SGSM2: variants seen among roughly 807,000 people sequenced by gnomAD.
The protein encoded by SGSM2 is RUN and TBC1 domain containing 1.
In SGSM2, 89 loss-of-function variants were observed where a neutral mutation model predicts 126.6. The observed-to-expected ratio is 0.70, with a 90% CI of 0.59 to 0.84. The LOEUF (loss-of-function observed/expected upper bound fraction) is 0.84. Ranked by LOEUF, SGSM2 falls within the 40% of genes least tolerant of loss-of-function variation. The probability of loss-of-function intolerance (pLI) is 0.00; values close to 1 mark genes in which losing one functional copy is unlikely to be tolerated. For synonymous variants in SGSM2, 614 were observed against 574.3 expected (o/e 1.07, Z -0.99); for missense variants, 1,404 against 1,416.6 (o/e 0.99, Z 0.14).
chr17:2,376,120 G>A lies in SGSM2; in HGVS notation c.2485-17G>A, dbSNP rs558196447. 2.1e-5 allele frequency: 34 copies of A among 1,613,840 alleles called. No homozygotes were observed. In the East Asian group the frequency reaches 5.1e-4, roughly 24 times the overall value. On this transcript the variant is annotated splice_polypyrimidine_tract_variant and intron_variant, in intron 18 of 23. Coordinates refer to ENST00000268989, the MANE Select transcript of SGSM2 (RefSeq NM_014853.3). Reference sequence around the variant, plus strand: ...GGGCTGCCCGGTCTCATGCCTGAGGGCCCTCCACTCTTCCAGATAGAATTA... The same window carrying A: ...GGGCTGCCCGGTCTCATGCCTGAGGACCCTCCACTCTTCCAGATAGAATTA...
chr17:2,349,894 T>C (rs1417490799), intron 2 of SGSM2, among the ~76,000 whole-genome samples: 1 of 151,920 alleles, frequency 6.6e-6, no homozygotes, highest in Non-Finnish European at 1.5e-5. Flanking sequence ...TTCACACCAT[T>C]CTCCTGCCTC....
chr17:2,370,581 G>C (rs1204253354), intron 12 of SGSM2, among the ~76,000 whole-genome samples: 1 of 151,206 alleles, frequency 6.6e-6, no homozygotes, highest in Non-Finnish European at 1.5e-5. Flanking sequence ...TGGTGTTTTC[G>C]GGAGGCCACC....
At chr17:2,339,682 T>G (rs1309245029) in intron 1 of SGSM2, among the ~76,000 whole-genome samples, 1 of 134,842 alleles carries the variant, frequency 7.4e-6, no homozygotes, top group Non-Finnish European at 1.5e-5. Flanking sequence ...CACTCCAGCC[T>G]GGGCGACAGA....
chr17:2,369,820 G>T (rs1490516625), intron 12 of SGSM2, among the ~76,000 whole-genome samples: 1 of 151,940 alleles, frequency 6.6e-6, no homozygotes, highest in Non-Finnish European at 1.5e-5. Flanking sequence ...CTGGGCTCCT[G>T]CCCCACTGCA....
Position 2,362,200 on chromosome 17 carries a change from G to A in SGSM2, c.388G>A (p.Val130Ile), listed in dbSNP as rs756758186. 8 of 1,613,490 alleles carry A rather than the reference G, an allele frequency of 5.0e-6. No homozygotes were observed. The highest frequency in any genetic ancestry group is 6.8e-6 in the Non-Finnish European group (8 of 1,179,874). Residue 130 changes from valine (V) to isoleucine (I), a missense_variant, in exon 4 of 24, where the codon GTA (valine) becomes ATA (isoleucine). Coordinates refer to ENST00000268989, the MANE Select transcript of SGSM2 (RefSeq NM_014853.3). This position sits in a 1 kb window ranked among gnomAD's most constrained non-coding sequence, Gnocchi z 4.9. The stretch of plus-strand genomic sequence containing the variant: ...CCTCAGCCCTCAGGCCTTGAAACAC[G>A]TATGGGTACGCACGGCGCTCATCGA... ...PALSPQALKH[V>I]WVRTALIEKV...
At chr17:2,354,759 G>C (rs1365613229) in intron 2 of SGSM2, among the ~76,000 whole-genome samples, 2 of 152,222 alleles carry the variant, frequency 1.3e-5, no homozygotes, top group Non-Finnish European at 2.9e-5. Context: ...AGCTCCCCAC[G>C]TCCCTTCCAT....
intron 11 of SGSM2, 61 bp downstream of exon 11, chr17:2,365,402 G>T (rs76129684): frequency 3.4e-6 from 5 of 1,474,624 alleles, no homozygotes; most frequent in Non-Finnish European, 4.5e-6. Flanking sequence ...GGCGGGGAGC[G>T]CAGCGTCACC....
chr17:2,364,880 T>C lies in SGSM2; in HGVS notation c.1001-17T>C. On this transcript the variant is annotated splice_polypyrimidine_tract_variant and intron_variant, in intron 9 of 23. Coordinates refer to ENST00000268989, the MANE Select transcript of SGSM2 (RefSeq NM_014853.3). ...CGACGAGAGGGCCTCAGCCGCACTC[T>C]CCACGTTCACCCCCAGAGAGCGGTG... 2 of 1,605,952 alleles carry C rather than the reference T, an allele frequency of 1.2e-6. No homozygotes were observed. Among genetic ancestry groups the C allele is most frequent in the African/African-American group, 1.3e-5 (1 of 75,042 alleles).
Position 2,337,698 on chromosome 17 carries a change from G to T in SGSM2, c.10G>T (p.Ala4Ser). Residue 4 changes from alanine to serine, a missense_variant, in exon 1 of 24, where the codon GCA becomes TCA. Physicochemically the swap from Ala to Ser is moderately conservative, Grantham distance 99 (BLOSUM62 1). Transcript: ENST00000268989. This position sits in a 1 kb window ranked among gnomAD's most constrained non-coding sequence, Gnocchi z 5.1. MGS[A>S]EDAVKEKLLW... Reference sequence around the variant, plus strand: ...CGCCTCCTGCCACACCATGGGCAGCGCAGAGGACGCAGTCAAAGAGAAACT... The same window carrying T: ...CGCCTCCTGCCACACCATGGGCAGCTCAGAGGACGCAGTCAAAGAGAAACT... 1 of 1,530,008 alleles carries T rather than the reference G, an allele frequency of 6.5e-7. No individual in the cohort carries two copies. The highest frequency in any genetic ancestry group is 8.8e-7 in the Non-Finnish European group (1 of 1,135,130). The allele number at this position is 1,530,008 out of a possible 1,614,324, so 94.8% of individuals were successfully genotyped here.
intron 17 of SGSM2, 194 bp from the exon 18 acceptor site, chr17:2,375,298 A>G (rs1363016241): frequency 3.2e-6 from 2 of 616,542 alleles, no homozygotes; most frequent in Non-Finnish European, 5.4e-6. Flanking sequence ...ATGTTTGGCC[A>G]GAGGCTTGTT....
rs374287193 is a variant in SGSM2 at position 2,377,970 on chromosome 17, A to T, written c.2899+17A>T. 18 of 1,507,376 alleles carry T rather than the reference A, an allele frequency of 1.2e-5. No homozygotes were observed. The African/African-American group carries it at 2.3e-4, about 20-fold the overall frequency. 93.4% of individuals were successfully genotyped at this position (1,507,376 alleles called of 1,614,324 possible). On this transcript the variant is annotated intron_variant, in intron 22 of 23. Coordinates refer to ENST00000268989, the MANE Select transcript of SGSM2 (RefSeq NM_014853.3). ...TTAAGAGAGGTAAGAAGTGGGTTGG[A>T]TCATGGGGCTGAGGTCAGGGACAGT...
In SGSM2 at chr17:2,379,682, A is replaced by G; in HGVS notation, c.*162A>G. On this transcript the variant is annotated 3_prime_UTR_variant, in exon 24 of 24. Coordinates refer to ENST00000268989, the MANE Select transcript of SGSM2 (RefSeq NM_014853.3). ...CGACTCCCGGCAGTGCTGACCCTGC[A>G]GGGCAAGTCAGGGGCCAGGATGCCC... The G allele has an allele frequency of 1.4e-6, 2 of 1,431,420 alleles. No individual in the cohort carries two copies. Among genetic ancestry groups the G allele is most frequent in the Non-Finnish European group, 1.8e-6 (2 of 1,091,094 alleles). The allele number at this position is 1,431,420 out of a possible 1,614,324, so 88.7% of individuals were successfully genotyped here.
chr17:2,365,325 C>T lies in SGSM2; in HGVS notation c.1272C>T (p.Gly424=). 6.4e-7 allele frequency: 1 copy of T among 1,566,430 alleles called. No homozygotes were observed. The highest frequency in any genetic ancestry group is 8.7e-7 in the Non-Finnish European group (1 of 1,154,564). Residue 424 remains glycine (G), a synonymous_variant, in exon 11 of 24, where the codon GGC becomes GGT. Coordinates refer to ENST00000268989, the MANE Select transcript of SGSM2 (RefSeq NM_014853.3). ...ATGTGTTCCGGATCATCTACCCCGGCCACAGGCACGAGCACAGTGAGTGTC... is the reference window on the plus strand; with the variant it reads ...ATGTGTTCCGGATCATCTACCCCGGTCACAGGCACGAGCACAGTGAGTGTC... ...TDYVFRIIYP[G]HRHEHITINY... is the part of the protein sequence containing the mutation.
chr17:2,379,458 G>C lies in SGSM2; in HGVS notation c.3094G>C (p.Glu1032Gln), dbSNP rs780009208. The stretch of plus-strand genomic sequence containing the variant: ...ACGTGCTGAGCATCACGATGCCCAG[G>C]AGATCCTGCGGATTGCCCGGGACCT... ...NERAEHHDAQ[E>Q]ILRIARDLVH... The change falls in exon 24 of 24, where the codon GAG becomes CAG. Residue 1032 changes from glutamate to glutamine, a missense_variant. Glu to Gln is a conservative substitution (Grantham distance 29). Coordinates refer to ENST00000268989, the MANE Select transcript of SGSM2 (RefSeq NM_014853.3). 1.2e-6 allele frequency: 2 copies of C among 1,613,632 alleles called. No homozygotes were observed. The highest frequency in any genetic ancestry group is 2.2e-5 in the South Asian group (2 of 91,060).
Position 2,367,002 on chromosome 17 carries a change from C to T in SGSM2, c.1289-269C>T, listed in dbSNP as rs1255888197. ...CCCAGACAGTCCCGGTCTTTCACATCCTCCCACCTCTGTTCTCTCTCTTCT... is the reference window on the plus strand; with the variant it reads ...CCCAGACAGTCCCGGTCTTTCACATTCTCCCACCTCTGTTCTCTCTCTTCT... On this transcript the variant is annotated intron_variant, in intron 11 of 23. Transcript: ENST00000268989. This position sits in a 1 kb window ranked among gnomAD's most constrained non-coding sequence, Gnocchi z 4.0. 2.4e-6 allele frequency: 1 copy of T among 421,392 alleles called. No individual in the cohort carries two copies. Among genetic ancestry groups the T allele is most frequent in the East Asian group, 3.9e-5 (1 of 25,872 alleles). The allele number at this position is 421,392 out of a possible 1,614,324, so 26.1% of individuals were successfully genotyped here.
intron 11 of SGSM2, among the ~76,000 whole-genome samples, chr17:2,365,808 G>A (rs2065550776): frequency 2.0e-5 from 3 of 148,660 alleles, no homozygotes; most frequent in South Asian, 2.1e-4. Context: ...GTTTAATGGC[G>A]TGATCTCAGC....
At chr17:2,338,356 C>A (rs183255923) in intron 1 of SGSM2, among the ~76,000 whole-genome samples, 1 of 138,492 alleles carries the variant, frequency 7.2e-6, no homozygotes, top group Non-Finnish European at 1.5e-5. Flanking sequence ...TTGAGGGAAG[C>A]CCCCCTACTT....
At chr17:2,339,654 G>T (rs945658395) in intron 1 of SGSM2, among the ~76,000 whole-genome samples, 9 of 147,208 alleles carry the variant, frequency 6.1e-5, no homozygotes, top group African/African-American at 2.0e-4. Flanking sequence ...CTTGCAGTGA[G>T]CCCAGATCGT....
Position 2,375,573 on chromosome 17 carries a change from G to A in SGSM2, c.2182G>A (p.Gly728Arg), listed in dbSNP as rs752087690. ...DSRPKPEQEA[G>R]PGTPGTAVVE... ...CAGACCAAAACCTGAGCAGGAAGCA[G>A]GACCCGGGACTCCGGGCACCGCCGT... Residue 728 changes from glycine (G) to arginine (R), a missense_variant, in exon 18 of 24, where the codon GGA (glycine) becomes AGA (arginine). Physicochemically the swap from Gly to Arg is moderately radical, Grantham distance 125. Coordinates refer to ENST00000268989, the MANE Select transcript of SGSM2 (RefSeq NM_014853.3). The A allele has an allele frequency of 6.2e-6, 10 of 1,613,844 alleles. No homozygotes were observed. The highest frequency in any genetic ancestry group is 8.5e-6 in the Non-Finnish European group (10 of 1,180,028).
Sources: allele counts gnomAD v4.1 joint callset (sites outside exome capture counted in the v4.1 genomes callset), GRCh38; gene constraint gnomAD v4.1.1; non-coding constraint Gnocchi (gnomAD v3.1); transcripts MANE v1.5; gene names NCBI Gene and HGNC (gene_info 2026-07-23, HGNC 2026-07-21).